Variants in ZFHX3 observed in about 807,000 individuals in gnomAD.
ZFHX3 encodes the protein zinc finger homeobox protein 3.
A neutral mutation model predicts 279.1 loss-of-function variants in ZFHX3; 42 were observed. That is an observed-to-expected ratio of 0.15 (90% CI 0.12 to 0.19). The LOEUF (loss-of-function observed/expected upper bound fraction) is 0.19, where lower values mean the gene tolerates loss of function less well. ZFHX3 is among the 10% of genes least tolerant of loss of function. The pLI, the probability that ZFHX3 is intolerant of heterozygous loss-of-function variation, is 1.00. For synonymous variants in ZFHX3, 2,293 were observed against 1,957.8 expected, an observed-to-expected ratio of 1.17 and a Z score of -4.52; for missense variants, 4,981 against 4,754.0, an observed-to-expected ratio of 1.05 and a Z score of -1.40.
At chr16:73,142,629 C>T (rs563731279) in intron 6 of ZFHX3, among the ~76,000 whole-genome samples, 5 of 152,278 alleles carry the variant, frequency 3.3e-5, no homozygotes, top group East Asian at 1.9e-4. Flanking sequence ...GAGTGCATGA[C>T]GGGTAGTGTG....
chr16:73,531,614 C>T (rs950645639), intron 2 of ZFHX3, among the ~76,000 whole-genome samples: 7 of 147,748 alleles, frequency 4.7e-5, no homozygotes, highest in Admixed American at 2.8e-4. Flanking sequence ...ACTCAGGAGG[C>T]TGAGGCAGGA....
intron 2 of ZFHX3, among the ~76,000 whole-genome samples, chr16:73,618,113 G>A (rs1317779699): frequency 6.6e-6 from 1 of 152,314 alleles, no homozygotes; most frequent in Non-Finnish European, 1.5e-5. Flanking sequence ...CTGGACACTA[G>A]CAGTGTGGTC....
At chr16:73,269,561 A>C (rs112006993) in intron 4 of ZFHX3, among the ~76,000 whole-genome samples, 1 of 152,200 alleles carries the variant, frequency 6.6e-6, no homozygotes, top group African/African-American at 2.4e-5. Flanking sequence ...ATTTTCCAGC[A>C]AATGGACATC....
At chr16:73,416,595 C>G (rs532528332) in intron 3 of ZFHX3, among the ~76,000 whole-genome samples, 25 of 152,212 alleles carry the variant, frequency 1.6e-4, no homozygotes, top group African/African-American at 5.1e-4. Flanking sequence ...AGAAGTCGGC[C>G]GGACGCGGTG....
intron 3 of ZFHX3, among the ~76,000 whole-genome samples, chr16:73,407,691 G>A (rs934689601): frequency 6.6e-6 from 1 of 152,180 alleles, no homozygotes; most frequent in Non-Finnish European, 1.5e-5. Flanking sequence ...CCTGCATATA[G>A]AGATATAGCA....
chr16:73,014,293 G>T (rs1964017882), intron 1 of ZFHX3: 1 of 140,784 alleles, frequency 7.1e-6, no homozygotes, highest in African/African-American at 2.6e-5. Context: ...TCAGTTTGCG[G>T]TTTTTTGCAT....
chr16:73,441,919 G>A (rs1335286874), intron 3 of ZFHX3, among the ~76,000 whole-genome samples: 3 of 152,172 alleles, frequency 2.0e-5, no homozygotes, highest in East Asian at 1.9e-4. Flanking sequence ...AACGTGTACC[G>A]TTTTGAGAAA....
chr16:73,812,907 A>G (rs369306499), intron 1 of ZFHX3, among the ~76,000 whole-genome samples: 5 of 152,346 alleles, frequency 3.3e-5, no homozygotes, highest in African/African-American at 1.2e-4. Flanking sequence ...CAATTTATAA[A>G]GCAGATATGA....
chr16:73,416,489 G>A lies in ZFHX3; in HGVS notation c.-1291+39514C>T, dbSNP rs575885891. On this transcript the variant is annotated intron_variant, in intron 3 of 17. Transcript: ENST00000641206. Reference sequence around the variant, plus strand: ...TGAAAATTAATTTCTAACTTTAGGGGGAACATGGAAAAGTCCCTGTGAGGA... The same window carrying A: ...TGAAAATTAATTTCTAACTTTAGGGAGAACATGGAAAAGTCCCTGTGAGGA... Among the ~76,000 whole-genome samples the A allele has an allele frequency of 6.6e-5, 10 of 152,236 alleles. No individual in the cohort carries two copies. In the East Asian group the frequency reaches 1.9e-3, roughly 29 times the overall value.
intron 2 of ZFHX3, among the ~76,000 whole-genome samples, chr16:73,595,774 C>T (rs1316667350): frequency 1.3e-5 from 2 of 152,092 alleles, no homozygotes; most frequent in African/African-American, 2.4e-5. Context: ...CTCACTACTC[C>T]GAACTGGTCT....
chr16:73,618,096 G>T (rs1281429209), intron 2 of ZFHX3, among the ~76,000 whole-genome samples: 1 of 152,136 alleles, frequency 6.6e-6, no homozygotes, highest in Admixed American at 6.5e-5. Flanking sequence ...AAATGAATTT[G>T]TTACAACTGG....
At chr16:73,205,260 TA>T (rs933272890) in intron 5 of ZFHX3, among the ~76,000 whole-genome samples, 62 of 152,228 alleles carry the variant, frequency 4.1e-4, no homozygotes, top group African/African-American at 1.4e-3. Context: ...AAATAACTAA[TA>T]AAAAAGCCTA....
intron 2 of ZFHX3, among the ~76,000 whole-genome samples, chr16:73,591,422 G>A (rs564161654): frequency 4.8e-5 from 7 of 145,424 alleles, no homozygotes; most frequent in South Asian, 4.5e-4. Context: ...GGCCGGGTGC[G>A]GTGGCTCATG....
intron 2 of ZFHX3, among the ~76,000 whole-genome samples, chr16:73,519,084 G>T (rs114887122): frequency 6.6e-6 from 1 of 152,102 alleles, no homozygotes; most frequent in South Asian, 2.1e-4. Flanking sequence ...TCAACTTCTC[G>T]AGAATAAAGG....
At chr16:73,300,634 G>T (rs2143130397) in intron 4 of ZFHX3, among the ~76,000 whole-genome samples, 1 of 152,348 alleles carries the variant, frequency 6.6e-6, no homozygotes, top group African/African-American at 2.4e-5. Flanking sequence ...CTCCCGCGAA[G>T]CTGGGATTAC....
intron 4 of ZFHX3, among the ~76,000 whole-genome samples, chr16:73,269,387 G>T (rs2014078885): frequency 6.6e-6 from 1 of 152,036 alleles, no homozygotes; most frequent in Non-Finnish European, 1.5e-5. Context: ...CTATTATTCT[G>T]CTTTTTCCAC....
intron 1 of ZFHX3, among the ~76,000 whole-genome samples, chr16:73,022,937 A>G (rs996176583): frequency 6.6e-6 from 1 of 152,198 alleles, no homozygotes; most frequent in African/African-American, 2.4e-5. Context: ...TGTTTAAAAC[A>G]TAGTATGTGG....
chr16:73,100,331 C>T (rs527805184), intron 7 of ZFHX3, among the ~76,000 whole-genome samples: 8 of 152,248 alleles, frequency 5.3e-5, no homozygotes, highest in East Asian at 3.9e-4. Flanking sequence ...CTTGATCAGA[C>T]GAACAAATAA....
rs76239888 is a variant in ZFHX3, at chr16:72,787,039, CT to C, written c.*124del. ...ACAACCCACGCTTTTTCTTTTTTTT[CT>C]TTTTTTTTTTTTTTTTGTTTTTTGG... On this transcript the variant is annotated 3_prime_UTR_variant, in exon 10 of 10. Coordinates refer to ENST00000268489, the MANE Select transcript of ZFHX3 (RefSeq NM_006885.4). 0.2 allele frequency: 131,351 copies of C among 669,236 alleles called. 12 individuals carry two copies. Among genetic ancestry groups the C allele is most frequent in the Non-Finnish European group, 0.21 (111,904 of 525,726 alleles). 41.5% of individuals were successfully genotyped at this position (669,236 alleles called of 1,614,324 possible). A position where few individuals can be genotyped will look rare whatever the true frequency, so the allele number is the denominator to read the frequency against.
Sources: gnomAD v4.1 joint callset for allele counts (sites outside exome capture counted in the v4.1 genomes callset) on GRCh38, gnomAD v4.1.1 for gene constraint, MANE v1.5 for transcripts, NCBI Gene and HGNC (gene_info 2026-07-23, HGNC 2026-07-21) for gene names.